The following FBXW11 variants were observed in gnomAD, a reference collection of about 807,000 sequenced individuals.
FBXW11 encodes F-box and WD repeat domain containing 11, also known as F-box/WD repeat-containing protein 11.
FBXW11 carries 19 observed loss-of-function variants against 77.6 expected under a neutral mutation model. The ratio of observed to expected loss-of-function variants is 0.24; its 90% confidence interval spans 0.17 to 0.36. FBXW11 has a LOEUF of 0.36. Ranked by LOEUF, FBXW11 falls within the 10% of genes least tolerant of loss-of-function variation. The pLI, the probability that FBXW11 is intolerant of heterozygous loss-of-function variation, is 1.00. For synonymous variants in FBXW11, 235 were observed against 249.4 expected, an observed-to-expected ratio of 0.94 and a Z score of 0.54; for missense variants, 334 against 704.2, an observed-to-expected ratio of 0.47 and a Z score of 5.95.
chr5:171,995,949 C>T (rs1214350823), intron 1 of FBXW11, among the ~76,000 whole-genome samples: 1 of 152,120 alleles, frequency 6.6e-6, no homozygotes, highest in Non-Finnish European at 1.5e-5. Context: ...GACACCTAAA[C>T]CCAAGCTTAA....
intron 2 of FBXW11, among the ~76,000 whole-genome samples, chr5:171,915,613 CTGTGTGTGTGTGTGTGTGTG>C (rs200618306): frequency 2.3e-5 from 3 of 129,524 alleles, no homozygotes; most frequent in Non-Finnish European, 4.9e-5. Context: ...GTCACTCATT[CTGTGTGTGTGTGTGTGTGTG>C]TGTGTGTGTG....
intron 6 of FBXW11, among the ~76,000 whole-genome samples, chr5:171,896,702 C>T (rs1276349306): frequency 1.3e-5 from 2 of 152,150 alleles, no homozygotes; most frequent in Non-Finnish European, 2.9e-5. Context: ...GTCTCAGTTT[C>T]CCCTTATTAT....
At chr5:171,907,112 T>C (rs1426172011) in intron 4 of FBXW11, among the ~76,000 whole-genome samples, 1 of 152,198 alleles carries the variant, frequency 6.6e-6, no homozygotes, top group African/African-American at 2.4e-5. Flanking sequence ...CCTGCAGAAA[T>C]TGACATTGCA....
At chr5:171,998,317 CATG>C (rs1243735656) in intron 1 of FBXW11, among the ~76,000 whole-genome samples, 1 of 136,014 alleles carries the variant, frequency 7.4e-6, no homozygotes, top group East Asian at 2.0e-4. Context: ...TTCTACAGCC[CATG>C]ATATTTTTTT....
At chr5:171,873,719 G>A (rs376388876) in intron 9 of FBXW11, among the ~76,000 whole-genome samples, 1 of 152,158 alleles carries the variant, frequency 6.6e-6, no homozygotes, top group Non-Finnish European at 1.5e-5. Flanking sequence ...CATTTGTTTT[G>A]ACACATTACT....
chr5:171,927,485 T>C (rs892026956), intron 2 of FBXW11, among the ~76,000 whole-genome samples: 20 of 151,922 alleles, frequency 1.3e-4, no homozygotes, highest in African/African-American at 4.8e-4. Context: ...CACAGGCACA[T>C]CACAAAAGAA....
chr5:171,959,847 C>CAAAAAAAAA (rs756379284), intron 1 of FBXW11, among the ~76,000 whole-genome samples: 1 of 138,262 alleles, frequency 7.2e-6, no homozygotes, highest in African/African-American at 2.8e-5. Flanking sequence ...GAGACTGCCT[C>CAAAAAAAAA]AAAAAAAAAA....
intron 1 of FBXW11, among the ~76,000 whole-genome samples, chr5:171,967,875 TATATATATAC>T (rs1324029117): frequency 3.3e-4 from 18 of 54,362 alleles, no homozygotes; most frequent in Middle Eastern, 0.011. Flanking sequence ...TATATATATA[TATATATATAC>T]ACACACACAC....
intron 2 of FBXW11, among the ~76,000 whole-genome samples, chr5:171,955,420 AG>A (rs1426276877): frequency 6.6e-6 from 1 of 152,166 alleles, no homozygotes; most frequent in African/African-American, 2.4e-5. Flanking sequence ...AGGTGTGCAA[AG>A]GAAGAGTCAT....
chr5:171,895,078 G>T (rs1293162201), intron 6 of FBXW11, among the ~76,000 whole-genome samples: 1 of 152,076 alleles, frequency 6.6e-6, no homozygotes, highest in East Asian at 1.9e-4. Flanking sequence ...CCTTCAAATG[G>T]AATCCAACTA....
intron 1 of FBXW11, among the ~76,000 whole-genome samples, chr5:171,992,128 GAA>G (rs397768542): frequency 4.7e-5 from 4 of 85,362 alleles, no homozygotes; most frequent in African/African-American, 9.1e-5. Context: ...AAGAAAAAAA[GAA>G]AAAAAAAAAA....
At chr5:171,931,999 A>G (rs1379036694) in intron 2 of FBXW11, among the ~76,000 whole-genome samples, 1 of 151,606 alleles carries the variant, frequency 6.6e-6, no homozygotes, top group African/African-American at 2.4e-5. Flanking sequence ...CTCAGCCTCC[A>G]GAGTAGCTGC....
At chr5:171,967,018 T>C (rs1368535721) in intron 1 of FBXW11, among the ~76,000 whole-genome samples, 2 of 152,236 alleles carry the variant, frequency 1.3e-5, no homozygotes, top group Non-Finnish European at 2.9e-5. Context: ...ATCCCTGCTT[T>C]CTTCCCTTAT....
At chr5:171,882,826 G>C (rs181267028) in intron 7 of FBXW11, among the ~76,000 whole-genome samples, 7 of 151,438 alleles carry the variant, frequency 4.6e-5, no homozygotes, top group African/African-American at 1.7e-4. Context: ...TATTGTACAG[G>C]TGGTATTTGG....
At chr5:171,920,950 C>CCATTGCAT (rs1761558780) in intron 2 of FBXW11, among the ~76,000 whole-genome samples, 1 of 152,088 alleles carries the variant, frequency 6.6e-6, no homozygotes, top group Admixed American at 6.6e-5. Context: ...AAAGTGGACC[C>CCATTGCAT]CATTGCATCA....
chr5:171,875,126 C>T (rs1190493986), intron 9 of FBXW11, among the ~76,000 whole-genome samples: 1 of 151,988 alleles, frequency 6.6e-6, no homozygotes, highest in Non-Finnish European at 1.5e-5. Context: ...CTGGAAGCAA[C>T]AAAGTACTGG....
chr5:171,870,689 C>T (rs1561631483), intron 11 of FBXW11, 59 bp downstream of exon 11: 3 of 1,311,936 alleles, frequency 2.3e-6, no homozygotes, highest in Non-Finnish European at 3.3e-6. Flanking sequence ...TAATATATAA[C>T]ATTTCTCTTT....
At chr5:171,963,179 A>C (rs1763995696) in intron 1 of FBXW11, among the ~76,000 whole-genome samples, 1 of 48,130 alleles carries the variant, frequency 2.1e-5, no homozygotes, top group Non-Finnish European at 9.3e-5. Context: ...TATAATGTAA[A>C]TACACATACA....
intron 1 of FBXW11, among the ~76,000 whole-genome samples, chr5:171,992,491 G>A (rs1370903718): frequency 4.0e-5 from 6 of 148,614 alleles, no homozygotes; most frequent in African/African-American, 1.5e-4. Context: ...AAGAAAGGAA[G>A]AAAGAAAAGA....
Sources: allele counts gnomAD v4.1 joint callset (sites outside exome capture counted in the v4.1 genomes callset), GRCh38; gene constraint gnomAD v4.1.1; transcripts MANE v1.5; gene names NCBI Gene and HGNC (gene_info 2026-07-23, HGNC 2026-07-21).